Variants in NALF1 observed in about 807,000 individuals in gnomAD.
NALF1 encodes the protein family with sequence similarity 155 member A.
A neutral mutation model predicts 48.4 loss-of-function variants in NALF1; 3 were observed. The observed-to-expected ratio is 0.06, with a 90% CI of 0.03 to 0.16. The LOEUF is 0.16. Among genes scored for constraint, NALF1 ranks in the 10% least tolerant of loss-of-function variants. NALF1 has a pLI of 1.00. For missense variants in NALF1, 526 were observed against 571.5 expected (o/e 0.92, Z 0.81); for synonymous variants, 262 against 245.7 (o/e 1.07, Z -0.62).
chr13:107,379,031 G>A (rs1284345177), intron 1 of NALF1, among the ~76,000 whole-genome samples: 2 of 152,054 alleles, frequency 1.3e-5, no homozygotes, highest in East Asian at 1.9e-4. Context: ...GATCACCACC[G>A]TGGCTTGATA....
chr13:107,499,530 C>T (rs1195600474), intron 1 of NALF1, among the ~76,000 whole-genome samples: 2 of 152,100 alleles, frequency 1.3e-5, no homozygotes, highest in African/African-American at 2.4e-5. Flanking sequence ...TTTGAAGACA[C>T]TTTGTCTCAG....
rs556423245 is a variant in NALF1 at position 107,781,064 on chromosome 13, T to C, written c.915+84618A>G. Among the ~76,000 whole-genome samples, 108 of 152,326 alleles carry C rather than the reference T, an allele frequency of 7.1e-4. 1 individual carries two copies. The South Asian group carries it at 0.017, about 24-fold the overall frequency. On this transcript the variant is annotated intron_variant, in intron 1 of 2. Transcript: ENST00000375915. ...GGAGAAATGTCAAATACTTATCAAA[T>C]TTATAGTGGATTTGCATCACTTTTT...
intron 1 of NALF1, among the ~76,000 whole-genome samples, chr13:107,703,051 G>GGT (rs1181548869): frequency 3.3e-5 from 5 of 151,862 alleles, no homozygotes; most frequent in Non-Finnish European, 5.9e-5. Context: ...TATTCCTTTG[G>GGT]GTATATACCC....
rs541512685 is a variant in NALF1 at position 107,625,656 on chromosome 13, C to G, written c.915+240026G>C. Among the ~76,000 whole-genome samples, 3 of 152,212 alleles carry G rather than the reference C, an allele frequency of 2.0e-5. No homozygotes were observed. The East Asian group carries it at 5.8e-4, about 29-fold the overall frequency. Reference sequence around the variant, plus strand: ...TTGATCCTAATGTTCATTTCTTCTTCACCATTCCCTCATATAGCCATTCAT... The same window carrying G: ...TTGATCCTAATGTTCATTTCTTCTTGACCATTCCCTCATATAGCCATTCAT... On this transcript the variant is annotated intron_variant, in intron 1 of 2. Coordinates refer to ENST00000375915, the MANE Select transcript of NALF1 (RefSeq NM_001080396.3).
At chr13:107,612,378 A>C (rs1348824241) in intron 1 of NALF1, among the ~76,000 whole-genome samples, 2 of 152,112 alleles carry the variant, frequency 1.3e-5, no homozygotes, top group Non-Finnish European at 2.9e-5. Context: ...CCAATACTGC[A>C]ATATACATTT....
At chr13:107,747,371 C>T (rs1007286498) in intron 1 of NALF1, among the ~76,000 whole-genome samples, 3 of 152,184 alleles carry the variant, frequency 2.0e-5, no homozygotes, top group African/African-American at 7.2e-5. Context: ...CTCAAACTTT[C>T]CACCAGATGG....
chr13:107,191,557 A>G (rs1879280957), intron 2 of NALF1, among the ~76,000 whole-genome samples: 1 of 152,188 alleles, frequency 6.6e-6, no homozygotes, highest in Admixed American at 6.5e-5. Context: ...GAGGCGATGA[A>G]GAAGCTGATA....
intron 1 of NALF1, among the ~76,000 whole-genome samples, chr13:107,759,394 G>A (rs1267124535): frequency 6.6e-6 from 1 of 152,108 alleles, no homozygotes; most frequent in Non-Finnish European, 1.5e-5. Context: ...ATTTTTAGTA[G>A]AGGCGGGGTT....
At chr13:107,458,721 C>G (rs939017788) in intron 1 of NALF1, among the ~76,000 whole-genome samples, 7 of 152,004 alleles carry the variant, frequency 4.6e-5, no homozygotes, top group African/African-American at 1.7e-4. Flanking sequence ...AAGAGTAGAC[C>G]AACAACGCAG....
intron 1 of NALF1, among the ~76,000 whole-genome samples, chr13:107,486,278 C>A (rs1337689795): frequency 1.3e-5 from 2 of 152,130 alleles, no homozygotes; most frequent in Non-Finnish European, 2.9e-5. Context: ...TGGGCTTTTT[C>A]TCCAGGACCT....
intron 1 of NALF1, among the ~76,000 whole-genome samples, chr13:107,649,883 A>G (rs1235002914): frequency 2.6e-5 from 4 of 152,180 alleles, no homozygotes; most frequent in Admixed American, 2.6e-4. Flanking sequence ...ATTCAAATAC[A>G]GGTTAGGCCC....
chr13:107,172,747 A>C (rs1347147366), intron 2 of NALF1, among the ~76,000 whole-genome samples: 2 of 152,176 alleles, frequency 1.3e-5, no homozygotes, highest in Non-Finnish European at 2.9e-5. Context: ...ATAAGATTAT[A>C]AAAATAGAAA....
chr13:107,267,111 C>A (rs1031831350), intron 1 of NALF1, among the ~76,000 whole-genome samples: 1 of 152,224 alleles, frequency 6.6e-6, no homozygotes, highest in African/African-American at 2.4e-5. Context: ...AAGCACTTGG[C>A]TCTTGGCCAA....
intron 1 of NALF1, among the ~76,000 whole-genome samples, chr13:107,811,150 G>C (rs1878977498): frequency 6.6e-6 from 1 of 151,988 alleles, no homozygotes; most frequent in Non-Finnish European, 1.5e-5. Context: ...TTTAAGCTTT[G>C]CATTATTCTT....
intron 1 of NALF1, among the ~76,000 whole-genome samples, chr13:107,281,187 A>G (rs988724845): frequency 1.3e-5 from 2 of 152,192 alleles, no homozygotes. Context: ...TTAGACAAAA[A>G]CCATGCTCTT....
chr13:107,356,361 A>G (rs1211914471), intron 1 of NALF1, among the ~76,000 whole-genome samples: 1 of 152,238 alleles, frequency 6.6e-6, no homozygotes, highest in Non-Finnish European at 1.5e-5. Context: ...AAATATATGA[A>G]ATGTATATAA....
chr13:107,483,314 A>G (rs904024423), intron 1 of NALF1, among the ~76,000 whole-genome samples: 8 of 152,200 alleles, frequency 5.3e-5, no homozygotes, highest in Non-Finnish European at 1.0e-4. Flanking sequence ...CTCATGTCTT[A>G]TATCTGAAAA....
At chr13:107,708,645 T>G (rs1875474877) in intron 1 of NALF1, among the ~76,000 whole-genome samples, 1 of 152,224 alleles carries the variant, frequency 6.6e-6, no homozygotes. Flanking sequence ...ATGCTATTGT[T>G]GAAAGAATTT....
chr13:107,793,781 C>T (rs1248280624), intron 1 of NALF1, among the ~76,000 whole-genome samples: 2 of 152,034 alleles, frequency 1.3e-5, no homozygotes, highest in African/African-American at 2.4e-5. Context: ...TATCCAGACA[C>T]AAATAAACCC....
Sources: gnomAD v4.1 joint callset for allele counts (sites outside exome capture counted in the v4.1 genomes callset) on GRCh38, gnomAD v4.1.1 for gene constraint, MANE v1.5 for transcripts, NCBI Gene and HGNC (gene_info 2026-07-23, HGNC 2026-07-21) for gene names.